The following PXYLP1 variants were observed in gnomAD, a reference collection of about 807,000 sequenced individuals.
PXYLP1 encodes the protein acid phosphatase-like 2.
PXYLP1 carries 17 observed loss-of-function variants against 37.9 expected under a neutral mutation model. The ratio of observed to expected loss-of-function variants is 0.45; its 90% CI spans 0.31 to 0.67. The LOEUF (loss-of-function observed/expected upper bound fraction) is 0.67, where lower values mean the gene tolerates loss of function less well. PXYLP1 is among the 30% of genes least tolerant of loss of function. The pLI, the probability that PXYLP1 is intolerant of heterozygous loss-of-function variation, is 0.07. For missense variants in PXYLP1, 511 were observed against 612.0 expected, an observed-to-expected ratio of 0.84 and a Z score of 1.74; for synonymous variants, 221 against 232.2, an observed-to-expected ratio of 0.95 and a Z score of 0.44.
Position 141,262,542 on chromosome 3 carries a change from T to G in PXYLP1, c.79+2288T>G, listed in dbSNP as rs546888622. 4.3e-4 allele frequency: 455 copies of G among 1,059,336 alleles called. 10 individuals are homozygous for G. In the South Asian group the frequency reaches 7.8e-3, roughly 18 times the overall value. The allele number at this position is 1,059,336 out of a possible 1,614,324, so 65.6% of individuals were successfully genotyped here. A position where few individuals can be genotyped will look rare whatever the true frequency, so the allele number is the denominator to read the frequency against. On this transcript the variant is annotated intron_variant, in intron 2 of 5. Transcript: ENST00000286353. ...CACGTCACTGAATTGGCCTGTGTGT[T>G]TTGCTTATATAACTCTTCTGAAAGT...
chr3:141,292,520 A>G lies in PXYLP1; in HGVS notation c.758A>G (p.Tyr253Cys), dbSNP rs769863264. ...TGCTATTGCCCGGTAAGAAACCAGTATCTGGAAAAGGAGCAGCGTCGTCAG... is the reference window on the plus strand; with the variant it reads ...TGCTATTGCCCGGTAAGAAACCAGTGTCTGGAAAAGGAGCAGCGTCGTCAG... ...GSCYCPVRNQ[Y>C]LEKEQRRQYL... The change falls in exon 6 of 6, where the codon TAT becomes TGT. Residue 253 changes from tyrosine (Y) to cysteine (C), a missense_variant. Coordinates refer to ENST00000286353, the MANE Select transcript of PXYLP1 (RefSeq NM_001037172.3). This position sits in a 1 kb window ranked among gnomAD's most constrained non-coding sequence, Gnocchi z 4.3. 11 of 1,614,220 alleles carry G rather than the reference A, an allele frequency of 6.8e-6. No homozygotes were observed. Among genetic ancestry groups the G allele is most frequent in the South Asian group, 1.1e-5 (1 of 91,088 alleles).
chr3:141,246,126 G>A (rs150373865), intron 1 of PXYLP1, among the ~76,000 whole-genome samples: 216 of 152,282 alleles, frequency 1.4e-3, no homozygotes, highest in Admixed American at 2.9e-3. Flanking sequence ...GGAAAGCTTG[G>A]TGGGGGGTAG....
Position 141,293,517 on chromosome 3 carries a change from G to A in PXYLP1, c.*312G>A. 3.4e-6 allele frequency: 1 copy of A among 293,396 alleles called. No homozygotes were observed. The highest frequency in any genetic ancestry group is 2.1e-5 in the African/African-American group (1 of 46,548). The allele number at this position is 293,396 out of a possible 1,614,324, so 18.2% of individuals were successfully genotyped here. A position where few individuals can be genotyped will look rare whatever the true frequency, so the allele number is the denominator to read the frequency against. On this transcript the variant is annotated 3_prime_UTR_variant, in exon 6 of 6. Transcript: ENST00000286353. Reference sequence around the variant, plus strand: ...GCCAATCCAAGTTTGCACTCTTCTGGCCTGCCCCATGTTACTATGTGATGG... The same window carrying A: ...GCCAATCCAAGTTTGCACTCTTCTGACCTGCCCCATGTTACTATGTGATGG...
intron 3 of PXYLP1, among the ~76,000 whole-genome samples, chr3:141,278,858 G>A (rs894439094): frequency 7.9e-5 from 12 of 152,252 alleles, no homozygotes; most frequent in Non-Finnish European, 1.8e-4. Context: ...GCTTTTCAGG[G>A]TAGCCTCTTG....
At chr3:141,244,365 C>CTT (rs11311791) in intron 1 of PXYLP1, among the ~76,000 whole-genome samples, 2 of 148,088 alleles carry the variant, frequency 1.4e-5, no homozygotes, top group African/African-American at 4.9e-5. Flanking sequence ...CATTACTCAC[C>CTT]TTTTTTTTTT....
Position 141,293,106 on chromosome 3 carries a change from G to A in PXYLP1, c.1344G>A (p.Pro448=), listed in dbSNP as rs565971902. The A allele has an allele frequency of 2.0e-5, 33 of 1,614,168 alleles. No individual in the cohort carries two copies. The highest frequency in any genetic ancestry group is 3.3e-4 in the Middle Eastern group (2 of 6,062). Residue 448 remains proline, a synonymous_variant, in exon 6 of 6, where the codon CCG becomes CCA. Coordinates refer to ENST00000286353, the MANE Select transcript of PXYLP1 (RefSeq NM_001037172.3). Reference sequence around the variant, plus strand: ...AGCGTTCTCCCAAGCCCATGTGCCCGCTTGAAAACTTGGTCCGCTTTGTGA... The same window carrying A: ...AGCGTTCTCCCAAGCCCATGTGCCCACTTGAAAACTTGGTCCGCTTTGTGA... ...HHKRSPKPMC[P]LENLVRFVKR...
chr3:141,278,891 G>A (rs1941873718), intron 3 of PXYLP1, among the ~76,000 whole-genome samples: 1 of 152,250 alleles, frequency 6.6e-6, no homozygotes, highest in Non-Finnish European at 1.5e-5. Context: ...TCCACAGGAT[G>A]TCCTGCTGGC....
At chr3:141,249,056 G>A (rs1224477631) in intron 1 of PXYLP1, among the ~76,000 whole-genome samples, 2 of 151,988 alleles carry the variant, frequency 1.3e-5, no homozygotes, top group Admixed American at 1.3e-4. Context: ...ACCTCCATGG[G>A]CAGGAGGGCT....
At chr3:141,282,489 C>CACAT (rs1463431543) in intron 4 of PXYLP1, among the ~76,000 whole-genome samples, 2 of 150,438 alleles carry the variant, frequency 1.3e-5, no homozygotes, top group African/African-American at 4.9e-5. Flanking sequence ...GACAAACACA[C>CACAT]ACACACACAC....
intron 2 of PXYLP1, among the ~76,000 whole-genome samples, chr3:141,271,932 C>T (rs919390112): frequency 1.2e-4 from 18 of 152,190 alleles, no homozygotes; most frequent in African/African-American, 4.1e-4. Flanking sequence ...ATGGGTCTGT[C>T]GCCACAGAAG....
chr3:141,262,838 A>G, intron 2 of PXYLP1: 1 of 759,448 alleles, frequency 1.3e-6, no homozygotes, highest in Non-Finnish European at 2.2e-6. Context: ...GCACTAATTC[A>G]TAACGCACAG....
chr3:141,267,895 C>CTCTCTCCCTCT (rs1941558903), intron 2 of PXYLP1, among the ~76,000 whole-genome samples: 1 of 151,852 alleles, frequency 6.6e-6, no homozygotes, highest in African/African-American at 2.4e-5. Context: ...CCCTCTCTCC[C>CTCTCTCCCTCT]ACCTTCCCTT....
chr3:141,289,620 T>A (rs1942155492), intron 5 of PXYLP1, among the ~76,000 whole-genome samples: 1 of 152,200 alleles, frequency 6.6e-6, no homozygotes, highest in African/African-American at 2.4e-5. Context: ...TGACCAGACC[T>A]CTAGAGACTG....
chr3:141,278,631 T>A, intron 3 of PXYLP1, 131 bp downstream of exon 3: 2 of 1,181,760 alleles, frequency 1.7e-6, no homozygotes, highest in African/African-American at 3.1e-5. Context: ...TGCCCTTGAA[T>A]GAGTTCCTGG....
chr3:141,283,879 T>C lies in PXYLP1; in HGVS notation c.366-3435T>C, dbSNP rs116514305. On this transcript the variant is annotated intron_variant, in intron 4 of 5. Coordinates refer to ENST00000286353, the MANE Select transcript of PXYLP1 (RefSeq NM_001037172.3). ...CCTTGGGGTTCAGCCTCAAACTTTG[T>C]GGCATAAATAGATGTGAATAATGCA... is the stretch of plus-strand genomic sequence containing the variant. 5.4e-3 allele frequency among the ~76,000 whole-genome samples: 813 copies of C among 151,952 alleles called. 5 individuals are homozygous for C. The highest frequency in any genetic ancestry group is 0.017 in the African/African-American group (725 of 41,450).
intron 1 of PXYLP1, chr3:141,258,421 G>C (rs1248186135): frequency 6.5e-6 from 1 of 153,420 alleles, no homozygotes; most frequent in East Asian, 1.9e-4. Context: ...TGGGAGAATG[G>C]CTCCCACAAG....
intron 1 of PXYLP1, among the ~76,000 whole-genome samples, chr3:141,253,419 A>G: frequency 6.6e-6 from 1 of 152,144 alleles, no homozygotes; most frequent in African/African-American, 2.4e-5. Context: ...CTCCTTTCAC[A>G]ACCCAATACC....
Position 141,292,760 on chromosome 3 carries a change from G to C in PXYLP1, c.998G>C (p.Arg333Thr), listed in dbSNP as rs780295128. ...AAGACCCATCAGATCGAGGATGAAA[G>C]GGAAAGACGGGAGAAGAAATTGTAC... ...VIKTHQIEDE[R>T]ERREKKLYFG... Residue 333 changes from arginine to threonine, a missense_variant, in exon 6 of 6, where the codon AGG becomes ACG. By Grantham distance (71) the Arg-to-Thr change is moderately conservative. Transcript: ENST00000286353. The surrounding 1 kb of genome is among the most constrained non-coding windows in gnomAD (Gnocchi z 4.3). 6.2e-7 allele frequency: 1 copy of C among 1,613,528 alleles called. No homozygotes were observed. The highest frequency in any genetic ancestry group is 8.5e-7 in the Non-Finnish European group (1 of 1,179,764).
rs180960559 is a variant in PXYLP1 at position 141,254,160 on chromosome 3, G to A, written c.-53-5963G>A. 2.7e-3 allele frequency among the ~76,000 whole-genome samples: 408 copies of A among 152,252 alleles called. 2 individuals carry two copies. Among genetic ancestry groups the A allele is most frequent in the African/African-American group, 9.4e-3 (389 of 41,546 alleles). ...ACTCCTGTCCTCAAGTGATCTGCCC[G>A]CCACGGCCTCCCAAAGTACTGGGAT... On this transcript the variant is annotated intron_variant, in intron 1 of 5. Coordinates refer to ENST00000286353, the MANE Select transcript of PXYLP1 (RefSeq NM_001037172.3).
Sources: gnomAD v4.1 joint callset for allele counts (sites outside exome capture counted in the v4.1 genomes callset) on GRCh38, gnomAD v4.1.1 for gene constraint, Gnocchi (gnomAD v3.1) non-coding constraint, MANE v1.5 for transcripts, NCBI Gene and HGNC (gene_info 2026-07-23, HGNC 2026-07-21) for gene names.